The following POLR3H variants were observed in gnomAD, a reference collection of about 807,000 sequenced individuals.
POLR3H encodes RNA polymerase III subunit H.
POLR3H carries 17 observed loss-of-function variants against 25.5 expected under a neutral mutation model. The ratio of observed to expected loss-of-function variants is 0.67; its 90% CI spans 0.46 to 1.00. The LOEUF is 1.00. POLR3H is among the 50% of genes least tolerant of loss of function. The pLI is 0.00. For synonymous variants in POLR3H, 129 were observed against 103.0 expected (o/e 1.25, Z -1.53); for missense variants, 274 against 265.0 (o/e 1.03, Z -0.24).
At position 41,544,184 on chromosome 22, in the gene POLR3H, G is replaced by T. The variant is rs904980214; in HGVS notation, c.-83C>A. On this transcript the variant is annotated 5_prime_UTR_variant, in exon 1 of 6. Coordinates refer to ENST00000355209, the MANE Select transcript of POLR3H (RefSeq NM_001018050.4). ...GGCAGGGAGAATCCCCGAGCCCCTT[G>T]GTCCCGTCCCAGTCGCTGAGGCCCC... 8.1e-5 allele frequency: 68 copies of T among 837,614 alleles called. No individual in the cohort carries two copies. Among genetic ancestry groups the T allele is most frequent in the South Asian group, 1.3e-4 (8 of 59,588 alleles). 51.9% of individuals were successfully genotyped at this position (837,614 alleles called of 1,614,324 possible). A position where few individuals can be genotyped will look rare whatever the true frequency, so the allele number is the denominator to read the frequency against.
In POLR3H at chr22:41,529,120, T is replaced by C; in HGVS notation, c.*163A>G. On this transcript the variant is annotated 3_prime_UTR_variant, in exon 6 of 6. Coordinates refer to ENST00000355209, the MANE Select transcript of POLR3H (RefSeq NM_001018050.4). ...ACTGCAGTGAAGGAGGAGCAGGGCC[T>C]AGATGGTGGAGGAGCGGGGCAAGCT... The C allele has an allele frequency of 1.6e-6, 1 of 623,346 alleles. No homozygotes were observed. Among genetic ancestry groups the C allele is most frequent in the Non-Finnish European group, 2.8e-6 (1 of 353,346 alleles). The allele number at this position is 623,346 out of a possible 1,614,324, so 38.6% of individuals were successfully genotyped here.
At position 41,542,255 on chromosome 22, in the gene POLR3H, T is replaced by G. The variant is rs534387915; in HGVS notation, c.112-1460A>C. ...CCTGCCACCATGCCCAGCTATTTTT[T>G]GTATTTTTAGTAGACATGGGGCTTC... On this transcript the variant is annotated intron_variant, in intron 1 of 5. Coordinates refer to ENST00000355209, the MANE Select transcript of POLR3H (RefSeq NM_001018050.4). Among the ~76,000 whole-genome samples, 3 of 152,272 alleles carry G rather than the reference T, an allele frequency of 2.0e-5. No homozygotes were observed. The East Asian group carries it at 5.8e-4, about 29-fold the overall frequency.
intron 2 of POLR3H, among the ~76,000 whole-genome samples, chr22:41,533,248 C>A (rs1403782766): frequency 6.6e-6 from 1 of 152,244 alleles, no homozygotes; most frequent in East Asian, 1.9e-4. Flanking sequence ...TCCCCACTCA[C>A]CTGACTGCAA....
At chr22:41,537,688 C>T (rs2066870536) in intron 2 of POLR3H, among the ~76,000 whole-genome samples, 1 of 152,190 alleles carries the variant, frequency 6.6e-6, no homozygotes, top group Non-Finnish European at 1.5e-5. Flanking sequence ...AAATCTAGGT[C>T]CTTGTGATCA....
intron 2 of POLR3H, among the ~76,000 whole-genome samples, chr22:41,534,203 C>CA (rs2066800280): frequency 6.6e-6 from 1 of 152,100 alleles, no homozygotes; most frequent in African/African-American, 2.4e-5. Flanking sequence ...GCACTGGGCT[C>CA]ACGGGGGTGG....
At position 41,544,119 on chromosome 22, in the gene POLR3H, G is replaced by A. The variant is rs767934086; in HGVS notation, c.-18C>T. 4 of 1,543,918 alleles carry A rather than the reference G, an allele frequency of 2.6e-6. No homozygotes were observed. The highest frequency in any genetic ancestry group is 3.6e-6 in the Non-Finnish European group (4 of 1,117,676). On this transcript the variant is annotated 5_prime_UTR_variant, in exon 1 of 6. Transcript: ENST00000355209. Reference sequence around the variant, plus strand: ...ACGAACATCCCGGCCTGCGCTGGGGGCTCTGGGAACAGGAGGGTCAGTCAC... The same window carrying A: ...ACGAACATCCCGGCCTGCGCTGGGGACTCTGGGAACAGGAGGGTCAGTCAC...
intron 4 of POLR3H, among the ~76,000 whole-genome samples, chr22:41,531,893 A>T (rs2066743703): frequency 6.6e-6 from 1 of 152,188 alleles, no homozygotes; most frequent in Non-Finnish European, 1.5e-5. Flanking sequence ...CGACAAAGAC[A>T]GGCATGTGGG....
intron 1 of POLR3H, chr22:41,543,760 G>A (rs1489551824): frequency 4.4e-6 from 3 of 676,424 alleles, no homozygotes; most frequent in East Asian, 3.0e-5. Context: ...GCCTGCAATT[G>A]CAAAGTAATT....
intron 4 of POLR3H, among the ~76,000 whole-genome samples, chr22:41,531,451 A>C (rs2066732258): frequency 2.6e-5 from 4 of 152,170 alleles, no homozygotes; most frequent in African/African-American, 7.2e-5. Flanking sequence ...TTGGCTCTCC[A>C]TCGTCCCTGG....
intron 5 of POLR3H, chr22:41,529,707 CTTTTATTTCACT>C: frequency 1.8e-6 from 1 of 556,480 alleles, no homozygotes; most frequent in Non-Finnish European, 3.5e-6. Flanking sequence ...GGAGCCCTCC[CTTTTATTTCACT>C]GCTGCAATGC....
At chr22:41,533,766 G>A (rs2066791329) in intron 2 of POLR3H, 3 of 1,266,982 alleles carry the variant, frequency 2.4e-6, no homozygotes, top group Non-Finnish European at 3.1e-6. Flanking sequence ...GAGAGCAGAT[G>A]AGGGCGGCCA....
intron 2 of POLR3H, chr22:41,539,077 A>C (rs1399848875): frequency 6.6e-6 from 1 of 152,218 alleles, no homozygotes; most frequent in Non-Finnish European, 1.5e-5. Context: ...TCTGACCAAC[A>C]TGGTGAAACC....
At chr22:41,531,053 C>CA (rs758061020) in intron 4 of POLR3H, among the ~76,000 whole-genome samples, 165 bp from the exon 5 acceptor site, 128 of 152,334 alleles carry the variant, frequency 8.4e-4, no homozygotes, top group Non-Finnish European at 1.3e-3. Context: ...CTGGGCCAAA[C>CA]AGAGAGGAAC....
chr22:41,528,189 T>TG lies in POLR3H; in HGVS notation c.*1093dup. 8.8e-7 allele frequency: 1 copy of TG among 1,137,566 alleles called. No homozygotes were observed. Among genetic ancestry groups the TG allele is most frequent in the East Asian group, 2.5e-5 (1 of 40,344 alleles). The allele number at this position is 1,137,566 out of a possible 1,614,324, so 70.5% of individuals were successfully genotyped here. On this transcript the variant is annotated 3_prime_UTR_variant, in exon 6 of 6. Transcript: ENST00000355209. Reference sequence around the variant, plus strand: ...AGAAAGCAAAGTGGCTTCTCAGAGTTGGGGGTTGGAGTCAACCCGGGGCCC... The same window carrying TG: ...AGAAAGCAAAGTGGCTTCTCAGAGTTGGGGGGTTGGAGTCAACCCGGGGCCC...
chr22:41,543,446 C>T (rs1293738167), intron 1 of POLR3H, among the ~76,000 whole-genome samples: 1 of 152,034 alleles, frequency 6.6e-6, no homozygotes, highest in Non-Finnish European at 1.5e-5. Flanking sequence ...GGTGAAACCC[C>T]GTCTCTACGA....
chr22:41,538,807 C>G (rs928971390), intron 2 of POLR3H, among the ~76,000 whole-genome samples: 3 of 152,294 alleles, frequency 2.0e-5, no homozygotes, highest in Middle Eastern at 3.4e-3. Context: ...AACATCCATG[C>G]GAACTAATTA....
chr22:41,542,106 G>A (rs896876045), intron 1 of POLR3H, among the ~76,000 whole-genome samples: 1 of 149,456 alleles, frequency 6.7e-6, no homozygotes, highest in Non-Finnish European at 1.5e-5. Context: ...TTTTTGAAGC[G>A]AAGTTTCACT....
rs1331473937 is a variant in POLR3H at position 41,544,245 on chromosome 22, G to T, written c.-144C>A. 5 of 598,072 alleles carry T rather than the reference G, an allele frequency of 8.4e-6. No homozygotes were observed. The highest frequency in any genetic ancestry group is 3.0e-6 in the Non-Finnish European group (1 of 333,160). The allele number at this position is 598,072 out of a possible 1,614,324, so 37.0% of individuals were successfully genotyped here. ...GTGAGGTTGCACGGGGCGGTCTCGG[G>T]GGCCCGGTCCGGGCCATGCTCCGCT... is the stretch of plus-strand genomic sequence containing the variant. On this transcript the variant is annotated 5_prime_UTR_variant, in exon 1 of 6. Coordinates refer to ENST00000355209, the MANE Select transcript of POLR3H (RefSeq NM_001018050.4).
Position 41,528,233 on chromosome 22 carries a change from C to T in POLR3H, c.*1050G>A. The T allele has an allele frequency of 9.6e-6, 8 of 836,978 alleles. No individual in the cohort carries two copies. Among genetic ancestry groups the T allele is most frequent in the Non-Finnish European group, 1.5e-5 (8 of 551,228 alleles). The allele number at this position is 836,978 out of a possible 1,614,324, so 51.8% of individuals were successfully genotyped here. On this transcript the variant is annotated 3_prime_UTR_variant, in exon 6 of 6. Coordinates refer to ENST00000355209, the MANE Select transcript of POLR3H (RefSeq NM_001018050.4). Reference sequence around the variant, plus strand: ...GGGGCCCTCACACCTCCCCAACCTCCCTTTACTCACCAGGACCTGGCACTC... The same window carrying T: ...GGGGCCCTCACACCTCCCCAACCTCTCTTTACTCACCAGGACCTGGCACTC...
Sources: allele counts gnomAD v4.1 joint callset (sites outside exome capture counted in the v4.1 genomes callset), GRCh38; gene constraint gnomAD v4.1.1; transcripts MANE v1.5; gene names NCBI Gene and HGNC (gene_info 2026-07-23, HGNC 2026-07-21).